SAMD5: variants seen among roughly 807,000 people sequenced by gnomAD.
SAMD5 encodes the protein sterile alpha motif domain containing 5.
Under a neutral mutation model 11.3 loss-of-function variants are expected in SAMD5, and 13 were observed. The observed-to-expected ratio is 1.15, with a 90% CI of 0.75 to 1.83. SAMD5 has a LOEUF of 1.83. SAMD5 is among the 40% of genes most tolerant of loss of function. The pLI, the probability that SAMD5 is intolerant of heterozygous loss-of-function variation, is 0.00. For synonymous variants in SAMD5, 129 were observed against 111.3 expected (o/e 1.16, Z -1.00); for missense variants, 255 against 239.1 (o/e 1.07, Z -0.44).
chr6:147,947,561 G>C, the SAMD5 span: 6 of 152,316 alleles, frequency 3.9e-5, no homozygotes, highest in African/African-American at 1.4e-4. Flanking sequence ...CTACTTCAAA[G>C]ATGCATGTGA....
At chr6:147,873,375 CA>C in the SAMD5 span, among the ~76,000 whole-genome samples, 2,520 of 105,536 alleles carry the variant, frequency 0.024, 40 homozygotes, top group Middle Eastern at 0.09. Flanking sequence ...GACTCCATCT[CA>C]AAAAAAAAAA....
the SAMD5 span, among the ~76,000 whole-genome samples, chr6:147,790,828 T>TCTCTCTCTCTC: frequency 7.7e-6 from 1 of 129,800 alleles, no homozygotes; most frequent in East Asian, 2.4e-4. Flanking sequence ...CTCTCTCTCT[T>TCTCTCTCTCTC]CTCTGTCTCC....
At chr6:147,751,559 G>A in the SAMD5 span, among the ~76,000 whole-genome samples, 1 of 152,164 alleles carries the variant, frequency 6.6e-6, no homozygotes, top group African/African-American at 2.4e-5. Context: ...AGTCAGTGAT[G>A]GTTATAATTA....
At chr6:147,938,506 G>A in the SAMD5 span, among the ~76,000 whole-genome samples, 1 of 152,210 alleles carries the variant, frequency 6.6e-6, no homozygotes, top group Non-Finnish European at 1.5e-5. Flanking sequence ...GCCATGTGAT[G>A]TGATAAGCTG....
At position 147,550,944 on chromosome 6, in the gene SAMD5, C is replaced by T. The variant is rs924157751; in HGVS notation, c.460-13450C>T. Among the ~76,000 whole-genome samples the T allele has an allele frequency of 2.0e-5, 3 of 152,078 alleles. No individual in the cohort carries two copies. The South Asian group carries it at 6.2e-4, about 32-fold the overall frequency. On this transcript the variant is annotated intron_variant, in intron 1 of 1. Coordinates refer to ENST00000367474, the MANE Select transcript of SAMD5 (RefSeq NM_001030060.3). The stretch of plus-strand genomic sequence containing the variant: ...CTCCCATTATTAGTTCTCAGTCCAT[C>T]CTGGTGCCATAACACACAGATTTTC...
intron 1 of SAMD5, among the ~76,000 whole-genome samples, chr6:147,541,798 T>C (rs994994040): frequency 2.0e-5 from 3 of 152,106 alleles, no homozygotes; most frequent in African/African-American, 7.2e-5. Flanking sequence ...CTGAGAAACC[T>C]CCTCAAAATC....
intron 1 of SAMD5, among the ~76,000 whole-genome samples, chr6:147,702,937 C>A (rs1791274915): frequency 6.6e-6 from 1 of 152,028 alleles, no homozygotes; most frequent in South Asian, 2.1e-4. Context: ...TCTCTTGGGC[C>A]AAATGTCCAG....
chr6:147,838,377 G>A, the SAMD5 span, among the ~76,000 whole-genome samples: 1 of 152,138 alleles, frequency 6.6e-6, no homozygotes, highest in African/African-American at 2.4e-5. Flanking sequence ...AGACCTTTCT[G>A]TTCAGTTCCT....
the SAMD5 span, among the ~76,000 whole-genome samples, chr6:147,870,464 GTGTGTGTGTGTGTGTGTGTA>G: frequency 9.0e-3 from 1,090 of 121,066 alleles, 7 homozygotes; most frequent in Middle Eastern, 0.022. Flanking sequence ...GTGTGTGTGT[GTGTGTGTGTGTGTGTGTGTA>G]TATATATATG....
chr6:147,873,691 GA>G, the SAMD5 span, among the ~76,000 whole-genome samples: 8 of 152,084 alleles, frequency 5.3e-5, no homozygotes, highest in Admixed American at 2.0e-4. Flanking sequence ...TATAATTAGA[GA>G]AATTTTAAAG....
the SAMD5 span, among the ~76,000 whole-genome samples, chr6:147,920,624 G>A: frequency 6.6e-6 from 1 of 152,238 alleles, no homozygotes; most frequent in South Asian, 2.1e-4. Context: ...ATTGTAGACT[G>A]TAAACCTCAA....
intron 1 of SAMD5, among the ~76,000 whole-genome samples, chr6:147,633,628 G>A (rs1002979598): frequency 3.8e-4 from 58 of 151,386 alleles, no homozygotes; most frequent in Non-Finnish European, 3.5e-4. Context: ...ACATACAACA[G>A]CTTCCATGCA....
the SAMD5 span, among the ~76,000 whole-genome samples, chr6:147,795,332 G>T: frequency 0.41 from 55,343 of 136,196 alleles, 13,045 homozygotes; most frequent in African/African-American, 0.67. Context: ...TTTTTGTCCT[G>T]GCGATAGTTT....
intron 1 of SAMD5, among the ~76,000 whole-genome samples, chr6:147,518,578 C>T (rs1267997298): frequency 6.6e-6 from 1 of 152,094 alleles, no homozygotes; most frequent in Non-Finnish European, 1.5e-5. Flanking sequence ...GGGCTGGTCC[C>T]AGAAATAAAG....
chr6:147,510,891 C>A (rs961516589), intron 1 of SAMD5, among the ~76,000 whole-genome samples: 1 of 152,166 alleles, frequency 6.6e-6, no homozygotes, highest in Non-Finnish European at 1.5e-5. Flanking sequence ...CAGGCAGTTG[C>A]CTGTATGTAG....
chr6:147,948,591 C>T, the SAMD5 span, among the ~76,000 whole-genome samples: 6 of 152,104 alleles, frequency 3.9e-5, no homozygotes, highest in African/African-American at 1.4e-4. Context: ...TTCATCATCC[C>T]CCAAAATTTT....
chr6:147,643,296 T>C (rs1195540784), intron 1 of SAMD5, among the ~76,000 whole-genome samples: 1 of 152,204 alleles, frequency 6.6e-6, no homozygotes, highest in Non-Finnish European at 1.5e-5. Flanking sequence ...TTTAAAGGAA[T>C]TAAATATTTG....
intron 1 of SAMD5, among the ~76,000 whole-genome samples, chr6:147,620,742 G>A (rs1407546787): frequency 6.6e-6 from 1 of 152,186 alleles, no homozygotes; most frequent in Admixed American, 6.5e-5. Context: ...TGGCTGGCTT[G>A]GAGGCTTACC....
At chr6:147,552,709 A>T (rs1213792917) in intron 1 of SAMD5, among the ~76,000 whole-genome samples, 1 of 152,208 alleles carries the variant, frequency 6.6e-6, no homozygotes, top group Non-Finnish European at 1.5e-5. Flanking sequence ...ACATGCATAC[A>T]TATGCCTGTG....
Sources: gnomAD v4.1 joint callset for allele counts (sites outside exome capture counted in the v4.1 genomes callset) on GRCh38, gnomAD v4.1.1 for gene constraint, MANE v1.5 for transcripts, NCBI Gene and HGNC (gene_info 2026-07-23, HGNC 2026-07-21) for gene names.